Variants in SLC1A6 observed in about 807,000 individuals in gnomAD.
SLC1A6 encodes excitatory amino acid transporter 4.
In SLC1A6, 15 loss-of-function variants were observed where a neutral mutation model predicts 42.1. The ratio of observed to expected loss-of-function variants is 0.36; its 90% CI spans 0.24 to 0.55. SLC1A6 has a LOEUF of 0.55. Ranked by LOEUF, SLC1A6 falls within the 20% of genes least tolerant of loss-of-function variation. The pLI is 0.88. For missense variants in SLC1A6, 542 were observed against 772.5 expected (o/e 0.70, Z 3.54); for synonymous variants, 317 against 319.7 (o/e 0.99, Z 0.09).
chr19:15,008,145 A>G (rs2045905602), intron 1 of SLC1A6, among the ~76,000 whole-genome samples: 1 of 152,028 alleles, frequency 6.6e-6, no homozygotes, highest in Admixed American at 6.6e-5. Flanking sequence ...GGAGTCTGAG[A>G]CCAGCCTGGG....
intron 1 of SLC1A6, among the ~76,000 whole-genome samples, chr19:14,998,093 A>G (rs1342356602): frequency 6.6e-6 from 1 of 152,106 alleles, no homozygotes; most frequent in African/African-American, 2.4e-5. Flanking sequence ...TCTATGCCCT[A>G]CCAACCATCT....
chr19:14,991,890 ATCTTGGCT>A (rs1379241965), intron 1 of SLC1A6, among the ~76,000 whole-genome samples: 8 of 148,374 alleles, frequency 5.4e-5, no homozygotes, highest in Non-Finnish European at 8.9e-5. Context: ...CAGTGGCGTG[ATCTTGGCT>A]CACTGCAATC....
At chr19:15,005,756 T>G (rs1162837412) in intron 1 of SLC1A6, among the ~76,000 whole-genome samples, 10 of 152,184 alleles carry the variant, frequency 6.6e-5, no homozygotes. Flanking sequence ...GGTGTCAGCG[T>G]GTTAAACTAA....
At chr19:14,981,006 A>G (rs1411584796), upstream of SLC1A6, among the ~76,000 whole-genome samples, 2 of 152,082 alleles carry the variant, frequency 1.3e-5, no homozygotes, top group Non-Finnish European at 1.5e-5. Context: ...AAAAATTCTG[A>G]AGCCAGCCTG....
At chr19:15,000,453 G>A (rs2045867298) in intron 1 of SLC1A6, among the ~76,000 whole-genome samples, 1 of 152,132 alleles carries the variant, frequency 6.6e-6, no homozygotes, top group Non-Finnish European at 1.5e-5. Flanking sequence ...ACATATAAGT[G>A]AGAAGATGCA....
At chr19:14,962,461 T>G in intron 5 of SLC1A6, 116 bp from the exon 6 acceptor site, 1 of 698,294 alleles carries the variant, frequency 1.4e-6, no homozygotes, top group South Asian at 1.8e-5. Flanking sequence ...ATCGATAAGA[T>G]CTTCATTATC....
intron 1 of SLC1A6, among the ~76,000 whole-genome samples, chr19:14,990,787 A>AAAAC (rs1450298779): frequency 2.4e-4 from 19 of 78,534 alleles, no homozygotes; most frequent in African/African-American, 6.6e-4. Context: ...AAAACAAAAC[A>AAAAC]AAAAAAAAAA....
intron 1 of SLC1A6, among the ~76,000 whole-genome samples, chr19:15,008,845 T>G (rs62114972): frequency 2.5e-4 from 5 of 19,678 alleles, no homozygotes; most frequent in Admixed American, 7.1e-4. Flanking sequence ...ATAATTCGCG[T>G]TTTTTTTTTT....
chr19:14,969,742 T>C (rs559810315), intron 3 of SLC1A6, among the ~76,000 whole-genome samples: 76 of 152,312 alleles, frequency 5.0e-4, no homozygotes, highest in Non-Finnish European at 1.0e-3. Context: ...AATCCAGGGA[T>C]TGGCAAACTG....
chr19:14,974,942 A>T (rs1325927596), intron 1 of SLC1A6: 1 of 151,598 alleles, frequency 6.6e-6, no homozygotes, highest in Non-Finnish European at 1.5e-5. Flanking sequence ...GGCTCAAGTG[A>T]TCCTCCCACC....
At chr19:14,966,062 A>G (rs1371028987) in intron 4 of SLC1A6, among the ~76,000 whole-genome samples, 1 of 152,198 alleles carries the variant, frequency 6.6e-6, no homozygotes, top group Non-Finnish European at 1.5e-5. Flanking sequence ...GTTAGAAATT[A>G]AAAGCTGCAC....
Position 14,995,273 on chromosome 19 carries a change from C to T in SLC1A6, c.6+15212G>A, listed in dbSNP as rs571562716. Among the ~76,000 whole-genome samples the T allele has an allele frequency of 4.7e-5, 6 of 126,792 alleles. No individual in the cohort carries two copies. The East Asian group carries it at 7.1e-4, about 15-fold the overall frequency. The allele number at this position is 126,792 out of a possible 152,430, so 83.2% of individuals were successfully genotyped here. A position where few individuals can be genotyped will look rare whatever the true frequency, so the allele number is the denominator to read the frequency against. On this transcript the variant is annotated intron_variant, in intron 1 of 8. Coordinates refer to the SLC1A6 transcript ENST00000430939. ...CCTGGAGGTGGAGGTTGCAGTGAGCCGAGATCATACCACAGCACTCCAGCC... is the reference window on the plus strand; with the variant it reads ...CCTGGAGGTGGAGGTTGCAGTGAGCTGAGATCATACCACAGCACTCCAGCC...
chr19:14,962,241 G>A lies in SLC1A6; in HGVS notation c.696C>T (p.Asn232=), dbSNP rs148009613. ...ASMPPPFSVE[N]GTSFLENVTR... ...TGACATTTTCCAGGAAGCTGGTTCC[G>A]TTCTCCACTGAGAATGGAGGAGGCA... The change falls in exon 6 of 10, where the codon AAC becomes AAT. Residue 232 remains asparagine, a synonymous_variant. Coordinates refer to ENST00000594383, the MANE Select transcript of SLC1A6 (RefSeq NM_005071.3). 4.6e-5 allele frequency: 74 copies of A among 1,613,772 alleles called. No individual in the cohort carries two copies. Among genetic ancestry groups the A allele is most frequent in the Admixed American group, 1.3e-4 (8 of 59,996 alleles).
At chr19:14,958,444 T>A (rs1006526728) in intron 6 of SLC1A6, among the ~76,000 whole-genome samples, 1 of 151,786 alleles carries the variant, frequency 6.6e-6, no homozygotes, top group South Asian at 2.1e-4. Flanking sequence ...CTACTTTGGC[T>A]CACATTCATC....
chr19:14,981,987 G>A (rs1225624947), upstream of SLC1A6, among the ~76,000 whole-genome samples: 1 of 151,978 alleles, frequency 6.6e-6, no homozygotes, highest in Admixed American at 6.6e-5. Context: ...GAGTCCAAGA[G>A]GTTGAGTTTG....
At chr19:14,956,911 C>T (rs557814831) in intron 6 of SLC1A6, among the ~76,000 whole-genome samples, 1 of 152,280 alleles carries the variant, frequency 6.6e-6, no homozygotes, top group South Asian at 2.1e-4. Flanking sequence ...TCCTCCTCCT[C>T]CTGCTCTTCC....
upstream of SLC1A6, among the ~76,000 whole-genome samples, chr19:14,981,201 G>C (rs1030525271): frequency 1.3e-5 from 2 of 152,036 alleles, no homozygotes; most frequent in Non-Finnish European, 2.9e-5. Context: ...GCTGAGGCAG[G>C]AGGGTCACTT....
chr19:14,992,515 C>T (rs1353204201), intron 1 of SLC1A6, among the ~76,000 whole-genome samples: 2 of 151,950 alleles, frequency 1.3e-5, no homozygotes, highest in Non-Finnish European at 2.9e-5. Context: ...CCGAGGCAGG[C>T]AGACAGGTGG....
At chr19:14,964,054 T>G in intron 5 of SLC1A6, 1 of 328,828 alleles carries the variant, frequency 3.0e-6, no homozygotes, top group Non-Finnish European at 5.6e-6. Context: ...GTCTTGAACT[T>G]TTGGCCTCAA....
Sources: allele counts gnomAD v4.1 joint callset (sites outside exome capture counted in the v4.1 genomes callset), GRCh38; gene constraint gnomAD v4.1.1; transcripts MANE v1.5; gene names NCBI Gene and HGNC (gene_info 2026-07-23, HGNC 2026-07-21).